Variants in METTL16 observed in about 807,000 individuals in gnomAD.
METTL16 encodes methyltransferase 16, RNA N6-adenosine.
A neutral mutation model predicts 57.9 loss-of-function variants in METTL16; 19 were observed. The ratio of observed to expected loss-of-function variants is 0.33; its 90% confidence interval spans 0.23 to 0.48. The LOEUF is 0.48. METTL16 is among the 20% of genes least tolerant of loss of function. The pLI is 0.99. For missense variants in METTL16, 434 were observed against 691.5 expected (o/e 0.63, Z 4.18); for synonymous variants, 246 against 255.6 (o/e 0.96, Z 0.36).
At chr17:2,448,802 T>TAAAAAAAAAAA (rs71150866) in intron 6 of METTL16, among the ~76,000 whole-genome samples, 9 of 43,614 alleles carry the variant, frequency 2.1e-4, no homozygotes, top group East Asian at 6.4e-4. Flanking sequence ...AAATAAAATT[T>TAAAAAAAAAAA]AAAAAAAAAA....
rs2066760282 is a variant in METTL16, at chr17:2,420,848, C to G, written c.945G>C (p.Val315=). The part of the protein sequence containing the change: ...LEKPRKPITF[V]VLASVMKELS... ...ATTCCTTCATCACGGACGCCAGCACCACGAATGTTATGGGTTTTCTCGGTT... is the reference window on the plus strand; with the variant it reads ...ATTCCTTCATCACGGACGCCAGCACGACGAATGTTATGGGTTTTCTCGGTT... The change falls in exon 9 of 10, where the codon GTG becomes GTC. Residue 315 remains valine, a synonymous_variant. Transcript: ENST00000263092. This position sits in a 1 kb window ranked among gnomAD's most constrained non-coding sequence, Gnocchi z 5.4. 6.2e-7 allele frequency: 1 copy of G among 1,614,044 alleles called. No homozygotes were observed.
chr17:2,511,032 T>G (rs2067583342), intron 1 of METTL16, among the ~76,000 whole-genome samples: 1 of 151,486 alleles, frequency 6.6e-6, no homozygotes, highest in Non-Finnish European at 1.5e-5. Context: ...CCTAAGAGAG[T>G]AGGCACTCAA....
intron 8 of METTL16, among the ~76,000 whole-genome samples, chr17:2,429,120 A>AGC (rs1417117675): frequency 6.6e-6 from 1 of 151,808 alleles, no homozygotes; most frequent in Non-Finnish European, 1.5e-5. Context: ...GGCCTCCCAA[A>AGC]GCGCTGGGAT....
intron 6 of METTL16, among the ~76,000 whole-genome samples, chr17:2,446,050 C>T (rs1452181532): frequency 2.0e-5 from 3 of 152,034 alleles, no homozygotes; most frequent in African/African-American, 4.8e-5. Flanking sequence ...TGGAAAAAGT[C>T]AATGCTTTTT....
At chr17:2,463,531 G>A (rs779154880) in intron 6 of METTL16, among the ~76,000 whole-genome samples, 12 of 151,966 alleles carry the variant, frequency 7.9e-5, no homozygotes, top group East Asian at 1.9e-4. Context: ...GCATGATCTC[G>A]GCTCACTGCA....
At chr17:2,473,738 C>T (rs2067251001) in intron 3 of METTL16, 74 bp from the exon 4 acceptor site, 7 of 1,468,596 alleles carry the variant, frequency 4.8e-6, no homozygotes, top group Admixed American at 2.1e-5. Context: ...AAACACCATT[C>T]TTCTCAGAAT....
intron 7 of METTL16, 50 bp downstream of exon 7, chr17:2,441,440 T>C (rs889264306): frequency 7.3e-6 from 10 of 1,370,426 alleles, no homozygotes; most frequent in East Asian, 5.0e-5. Context: ...TTGTGCCCCA[T>C]GGATACAAAG....
intron 6 of METTL16, among the ~76,000 whole-genome samples, chr17:2,444,071 T>G (rs923844865): frequency 6.6e-6 from 1 of 152,196 alleles, no homozygotes; most frequent in African/African-American, 2.4e-5. Context: ...TTAGTTAGTT[T>G]GATTGAATCA....
At chr17:2,464,468 C>A in intron 5 of METTL16, 118 bp from the exon 6 acceptor site, 1 of 934,142 alleles carries the variant, frequency 1.1e-6, no homozygotes, top group East Asian at 2.8e-5. Context: ...AAATAGTATG[C>A]TAGATTTAGG....
In METTL16 at chr17:2,417,709, T is replaced by C. The variant is rs1352760634; in HGVS notation, c.*2261A>G. ...AACCCACACACTCACACACCCCGTC[T>C]ACAGAGAGACTAGAAAGGAACACGC... is the stretch of plus-strand genomic sequence containing the variant. On this transcript the variant is annotated 3_prime_UTR_variant, in exon 10 of 10. Transcript: ENST00000263092. The C allele has an allele frequency of 1.3e-5, 2 of 152,140 alleles. No homozygotes were observed. Among genetic ancestry groups the C allele is most frequent in the Non-Finnish European group, 2.9e-5 (2 of 68,018 alleles). 9.4% of individuals were successfully genotyped at this position (152,140 alleles called of 1,614,324 possible).
chr17:2,467,693 A>T lies in METTL16; in HGVS notation c.585+68T>A, dbSNP rs1283039416. On this transcript the variant is annotated intron_variant, in intron 5 of 9. Coordinates refer to ENST00000263092, the MANE Select transcript of METTL16 (RefSeq NM_024086.4). Reference sequence around the variant, plus strand: ...CACCCGCCTTGGCCTCCCAAAGTGCAGGGATTACAGGCGTGAGCCACCGCG... The same window carrying T: ...CACCCGCCTTGGCCTCCCAAAGTGCTGGGATTACAGGCGTGAGCCACCGCG... 65 of 1,198,638 alleles carry T rather than the reference A, an allele frequency of 5.4e-5. No homozygotes were observed. In the Middle Eastern group the frequency reaches 7.7e-4, roughly 14 times the overall value. The allele number at this position is 1,198,638 out of a possible 1,614,324, so 74.3% of individuals were successfully genotyped here.
chr17:2,442,687 G>A (rs1200220474), intron 6 of METTL16, among the ~76,000 whole-genome samples: 2 of 152,118 alleles, frequency 1.3e-5, no homozygotes, highest in East Asian at 1.9e-4. Flanking sequence ...AAGAGGGGAC[G>A]TCCCGCAGGT....
chr17:2,492,767 G>T (rs1012279967), intron 2 of METTL16, among the ~76,000 whole-genome samples: 1 of 151,510 alleles, frequency 6.6e-6, no homozygotes, highest in East Asian at 2.0e-4. Context: ...TGTGGTGGTT[G>T]GCACCTATAA....
At chr17:2,476,227 T>G (rs1161101628) in intron 3 of METTL16, among the ~76,000 whole-genome samples, 2 of 152,158 alleles carry the variant, frequency 1.3e-5, no homozygotes, top group African/African-American at 4.8e-5. Context: ...GTCTGAGATG[T>G]TTTTCAGAAA....
intron 6 of METTL16, among the ~76,000 whole-genome samples, chr17:2,451,805 T>G (rs190405036): frequency 2.0e-5 from 3 of 152,062 alleles, no homozygotes; most frequent in East Asian, 1.9e-4. Flanking sequence ...CTCAACAGAT[T>G]AGATAGATCA....
At chr17:2,470,155 C>T (rs1297102107) in intron 4 of METTL16, among the ~76,000 whole-genome samples, 2 of 152,244 alleles carry the variant, frequency 1.3e-5, no homozygotes, top group Admixed American at 6.5e-5. Flanking sequence ...CACTACAGCT[C>T]GCGTCTGAAG....
intron 6 of METTL16, among the ~76,000 whole-genome samples, chr17:2,443,752 G>T (rs550558107): frequency 6.6e-6 from 1 of 152,106 alleles, no homozygotes; most frequent in South Asian, 2.1e-4. Flanking sequence ...GTCCACCTCG[G>T]CCTCCCGAAG....
At chr17:2,487,381 G>A (rs925652199) in intron 2 of METTL16, among the ~76,000 whole-genome samples, 1 of 152,230 alleles carries the variant, frequency 6.6e-6, no homozygotes, top group Non-Finnish European at 1.5e-5. Flanking sequence ...AGCGATGAAG[G>A]AGAAAATATA....
rs561250800 is a variant in METTL16, at chr17:2,467,890, C to A, written c.470-14G>T. 252 of 1,560,720 alleles carry A rather than the reference C, an allele frequency of 1.6e-4. 1 individual carries two copies. In the South Asian group the frequency reaches 2.5e-3, roughly 16 times the overall value. On this transcript the variant is annotated splice_polypyrimidine_tract_variant and intron_variant, in intron 4 of 9. Transcript: ENST00000263092. Reference sequence around the variant, plus strand: ...GCACTTTCACCACTAGGAGAAAAAACAGGACTGTGAACTAATATTAATGTT... The same window carrying A: ...GCACTTTCACCACTAGGAGAAAAAAAAGGACTGTGAACTAATATTAATGTT...
Sources: allele counts gnomAD v4.1 joint callset (sites outside exome capture counted in the v4.1 genomes callset), GRCh38; gene constraint gnomAD v4.1.1; non-coding constraint Gnocchi (gnomAD v3.1); transcripts MANE v1.5; gene names NCBI Gene and HGNC (gene_info 2026-07-23, HGNC 2026-07-21).